Variants in CUL2 observed in about 807,000 individuals in gnomAD.
CUL2 encodes the protein cullin-2.
CUL2 carries 22 observed loss-of-function variants against 110.2 expected under a neutral mutation model. That is an observed-to-expected ratio of 0.20 (90% confidence interval 0.14 to 0.28). The LOEUF (loss-of-function observed/expected upper bound fraction) is 0.28. Among genes scored for constraint, CUL2 ranks in the 10% least tolerant of loss-of-function variants. The pLI is 1.00. For synonymous variants in CUL2, 279 were observed against 293.2 expected (o/e 0.95, Z 0.49); for missense variants, 631 against 905.5 (o/e 0.70, Z 3.89).
intron 3 of CUL2, among the ~76,000 whole-genome samples, chr10:35,062,635 C>T (rs1473709533): frequency 6.7e-6 from 1 of 149,842 alleles, no homozygotes; most frequent in Non-Finnish European, 1.5e-5. Context: ...AGTTTGAGAC[C>T]AGCCTAGGCA....
chr10:35,083,166 AAAAG>A (rs1041981134), intron 1 of CUL2, among the ~76,000 whole-genome samples: 4 of 151,588 alleles, frequency 2.6e-5, no homozygotes, highest in Non-Finnish European at 4.4e-5. Flanking sequence ...AAAAAAAAAA[AAAAG>A]AAAGAAAAAG....
intron 17 of CUL2, among the ~76,000 whole-genome samples, chr10:35,017,365 A>T (rs2085062685): frequency 6.6e-6 from 1 of 151,882 alleles, no homozygotes; most frequent in Admixed American, 6.5e-5. Context: ...TTTTCATAAA[A>T]ATGAAAAACA....
intron 1 of CUL2, among the ~76,000 whole-genome samples, chr10:35,101,973 C>T (rs1417967757): frequency 6.6e-6 from 1 of 152,160 alleles, no homozygotes; most frequent in East Asian, 1.9e-4. Flanking sequence ...AACAGCCTCC[C>T]AAAATGCTGG....
chr10:35,022,226 A>G (rs2085220899), intron 17 of CUL2, among the ~76,000 whole-genome samples: 1 of 152,224 alleles, frequency 6.6e-6, no homozygotes, highest in South Asian at 2.1e-4. Flanking sequence ...AGAGAAGGAA[A>G]CAGGCTCAAA....
In CUL2 at chr10:35,015,100, C is replaced by CCTG. The variant is rs2084993224; in HGVS notation, c.1887+1089_1887+1091dup. ...AGGAGTTCGAGACCAGCCTGACCAG[C>CCTG]CTGGCCAACATTGTGAAACCCTATC... On this transcript the variant is annotated intron_variant, in intron 18 of 20. Coordinates refer to ENST00000374749, the MANE Select transcript of CUL2 (RefSeq NM_003591.4). 3.3e-5 allele frequency among the ~76,000 whole-genome samples: 5 copies of CCTG among 152,102 alleles called. 1 individual carries two copies. The highest frequency in any genetic ancestry group is 1.2e-4 in the African/African-American group (5 of 41,476).
At chr10:35,041,674 C>T (rs938732385) in intron 8 of CUL2, among the ~76,000 whole-genome samples, 5 of 152,176 alleles carry the variant, frequency 3.3e-5, no homozygotes, top group Non-Finnish European at 7.4e-5. Context: ...AGAGCTATGA[C>T]CAGACGACTA....
intron 1 of CUL2, among the ~76,000 whole-genome samples, chr10:35,113,971 G>A (rs1027028762): frequency 6.6e-6 from 1 of 151,382 alleles, no homozygotes; most frequent in Non-Finnish European, 1.5e-5. Flanking sequence ...GCAGTGGCAT[G>A]ATCTCAGCTC....
At chr10:35,085,387 G>A (rs761229617) in intron 1 of CUL2, among the ~76,000 whole-genome samples, 7 of 151,154 alleles carry the variant, frequency 4.6e-5, no homozygotes, top group East Asian at 2.0e-4. Flanking sequence ...CTGAGATCGC[G>A]CCACTGCGCT....
chr10:35,070,540 G>C (rs979879568), intron 2 of CUL2, among the ~76,000 whole-genome samples: 4 of 152,204 alleles, frequency 2.6e-5, no homozygotes, highest in Non-Finnish European at 5.9e-5. Context: ...CACTGTCATG[G>C]AGGAACACAG....
intron 1 of CUL2, among the ~76,000 whole-genome samples, chr10:35,106,063 A>T (rs1262667726): frequency 6.6e-6 from 1 of 152,134 alleles, no homozygotes; most frequent in African/African-American, 2.4e-5. Context: ...GTATGTTGAA[A>T]CCTAATCCCC....
At chr10:35,033,613 T>C (rs1188566595) in intron 10 of CUL2, among the ~76,000 whole-genome samples, 1 of 151,922 alleles carries the variant, frequency 6.6e-6, no homozygotes, top group African/African-American at 2.4e-5. Flanking sequence ...GGCGTCCACC[T>C]GTAATCCCAG....
chr10:35,046,512 T>C (rs887689311), intron 6 of CUL2, among the ~76,000 whole-genome samples: 2 of 152,222 alleles, frequency 1.3e-5, no homozygotes, highest in Non-Finnish European at 2.9e-5. Flanking sequence ...TAGGCCTCTC[T>C]AGTTTAAGTC....
At position 35,031,728 on chromosome 10, in the gene CUL2, C is replaced by T; in HGVS notation, c.1171-109G>A. The T allele has an allele frequency of 4.7e-6, 6 of 1,269,594 alleles. No homozygotes were observed. Among genetic ancestry groups the T allele is most frequent in the Non-Finnish European group, 5.5e-6 (5 of 908,904 alleles). 78.6% of individuals were successfully genotyped at this position (1,269,594 alleles called of 1,614,324 possible). On this transcript the variant is annotated intron_variant, in intron 12 of 20. Coordinates refer to ENST00000374749, the MANE Select transcript of CUL2 (RefSeq NM_003591.4). The surrounding 1 kb of genome is among the most constrained non-coding windows in gnomAD (Gnocchi z 4.4). ...GTAAGATCAGCGGACAGAATTTTTG[C>T]TGTTTTTTTTAGAGACCGGGTCTTG...
upstream of CUL2, among the ~76,000 whole-genome samples, chr10:35,094,261 GT>G (rs1264253638): frequency 1.3e-5 from 2 of 150,564 alleles, no homozygotes; most frequent in Middle Eastern, 3.4e-3. Flanking sequence ...TTGAGATGGA[GT>G]TTCGCTCTTG....
At chr10:35,035,558 C>T (rs1173306297) in intron 9 of CUL2, among the ~76,000 whole-genome samples, 1 of 152,142 alleles carries the variant, frequency 6.6e-6, no homozygotes, top group Non-Finnish European at 1.5e-5. Flanking sequence ...ATACAGTGTA[C>T]TGTATTTTGT....
chr10:35,051,332 G>A lies in CUL2; in HGVS notation c.424-1567C>T, dbSNP rs190230591. ...TCCGTCTCAAAAAAGAAAAAAAACC[G>A]GCCAGGCGCGGTGGCTCACGCCTGT... is the stretch of plus-strand genomic sequence containing the variant. On this transcript the variant is annotated intron_variant, in intron 5 of 20. Coordinates refer to ENST00000374749, the MANE Select transcript of CUL2 (RefSeq NM_003591.4). 4.1e-3 allele frequency among the ~76,000 whole-genome samples: 604 copies of A among 146,982 alleles called. 5 individuals are homozygous for A. Among genetic ancestry groups the A allele is most frequent in the African/African-American group, 0.013 (526 of 39,642 alleles).
At chr10:35,035,619 C>G (rs1288622560) in intron 9 of CUL2, among the ~76,000 whole-genome samples, 1 of 152,192 alleles carries the variant, frequency 6.6e-6, no homozygotes, top group Non-Finnish European at 1.5e-5. Context: ...CTTTTCCTAT[C>G]AGTACACAAA....
intron 6 of CUL2, among the ~76,000 whole-genome samples, chr10:35,046,760 C>T (rs184750513): frequency 4.6e-5 from 7 of 152,070 alleles, no homozygotes; most frequent in African/African-American, 1.2e-4. Context: ...GGCATGGTGG[C>T]GCATGTCTAT....
At position 35,044,642 on chromosome 10, in the gene CUL2, G is replaced by A. The variant is rs941077981; in HGVS notation, c.638C>T (p.Thr213Ile). Residue 213 changes from threonine (T) to isoleucine (I), a missense_variant, in exon 8 of 21, where the codon ACT becomes ATT. Thr to Ile is a moderately conservative substitution (Grantham distance 89). Coordinates refer to ENST00000374749, the MANE Select transcript of CUL2 (RefSeq NM_003591.4). ...TTGTTTGTAATACTCTCCTGTTTCA[G>A]TCAGAAAGGGAGACTCAAAAATTTC... ...YQEIFESPFLTETGEYYKQEA... is the reference protein window; with the variant it reads ...YQEIFESPFLIETGEYYKQEA... 1.2e-6 allele frequency: 2 copies of A among 1,609,976 alleles called. No individual in the cohort carries two copies. Among genetic ancestry groups the A allele is most frequent in the Non-Finnish European group, 1.7e-6 (2 of 1,179,080 alleles).
Sources: gnomAD v4.1 joint callset for allele counts (sites outside exome capture counted in the v4.1 genomes callset) on GRCh38, gnomAD v4.1.1 for gene constraint, Gnocchi (gnomAD v3.1) non-coding constraint, MANE v1.5 for transcripts, NCBI Gene and HGNC (gene_info 2026-07-23, HGNC 2026-07-21) for gene names.